Variants in ZFPM1 observed in about 807,000 individuals in gnomAD.
ZFPM1 encodes the protein zinc finger protein ZFPM1.
In ZFPM1, 28 loss-of-function variants were observed where a neutral mutation model predicts 46.3. The observed-to-expected ratio is 0.60, with a 90% confidence interval of 0.45 to 0.83. The LOEUF (loss-of-function observed/expected upper bound fraction) is 0.83, where lower values mean the gene tolerates loss of function less well. Ranked by LOEUF, ZFPM1 falls within the 40% of genes least tolerant of loss-of-function variation. ZFPM1 has a pLI of 0.00. For synonymous variants in ZFPM1, 957 were observed against 675.9 expected (o/e 1.42, Z -6.45); for missense variants, 1,878 against 1,432.4 (o/e 1.31, Z -5.02).
chr16:88,499,373 CAGAGCAGCCGCGGAGGAGAAG>C (rs71391389), intron 3 of ZFPM1, among the ~76,000 whole-genome samples: 27,769 of 152,194 alleles, frequency 0.18, 2,815 homozygotes, highest in East Asian at 0.28. Flanking sequence ...AGACCTCCTC[CAGAGCAGCCGCGGAGGAGAAG>C]AGAGCAGTCG....
At position 88,485,944 on chromosome 16, in the gene ZFPM1, C is replaced by G. The variant is rs1368641272; in HGVS notation, c.46C>G (p.Leu16Val). ...CCATCGTCTTGTGTCCACAGGTTCC[C>G]TCGGAGACATGGAGGCCAGAGAGGA... ...QSNPRQIKRS[L>V]GDMEAREEVQ... Residue 16 changes from leucine to valine, a missense_variant, in exon 2 of 10, where the codon CTC (leucine) becomes GTC (valine). Transcript: ENST00000319555. 6.2e-7 allele frequency: 1 copy of G among 1,612,692 alleles called. No homozygotes were observed. Among genetic ancestry groups the G allele is most frequent in the Admixed American group, 1.7e-5 (1 of 59,990 alleles).
chr16:88,485,339 G>A (rs1015613175), intron 1 of ZFPM1, among the ~76,000 whole-genome samples: 8 of 152,168 alleles, frequency 5.3e-5, no homozygotes, highest in African/African-American at 4.8e-5. Context: ...ATCCGTGGGC[G>A]TGGTGGAGGC....
chr16:88,534,082 G>A lies in ZFPM1; in HGVS notation c.2124G>A (p.Ser708=), dbSNP rs1329148516. 1.3e-5 allele frequency: 16 copies of A among 1,224,560 alleles called. No individual in the cohort carries two copies. Among genetic ancestry groups the A allele is most frequent in the Non-Finnish European group, 1.7e-5 (16 of 959,794 alleles). 75.9% of individuals were successfully genotyped at this position (1,224,560 alleles called of 1,614,324 possible). A position where few individuals can be genotyped will look rare whatever the true frequency, so the allele number is the denominator to read the frequency against. ...YTVHKRYYCA[S]RHDPPPRRPA... is the part of the protein sequence containing the mutation. ...TGCACAAGCGGTACTACTGCGCCTC[G>A]CGCCACGACCCGCCGCCGCGCCGAC... Residue 708 remains serine, a synonymous_variant, in exon 10 of 10, where the codon TCG becomes TCA. Transcript: ENST00000319555.
At position 88,534,653 on chromosome 16, in the gene ZFPM1, G is replaced by A; in HGVS notation, c.2695G>A (p.Gly899Ser). The stretch of plus-strand genomic sequence containing the variant: ...CGAGGCCCGGACGCCGGCCGACCGC[G>A]GCCCCTCGCCCGCTCCCGCCCCCGC... Reference protein sequence around the residue: ...GVEARTPADRGPSPAPAPAAS... With the variant: ...GVEARTPADRSPSPAPAPAAS... The change falls in exon 10 of 10, where the codon GGC (glycine) becomes AGC (serine). Residue 899 changes from glycine (G) to serine (S), a missense_variant. Coordinates refer to ENST00000319555, the MANE Select transcript of ZFPM1 (RefSeq NM_153813.3). 2.0e-6 allele frequency: 2 copies of A among 1,017,060 alleles called. No individual in the cohort carries two copies. Among genetic ancestry groups the A allele is most frequent in the Non-Finnish European group, 2.3e-6 (2 of 853,456 alleles). 63.0% of individuals were successfully genotyped at this position (1,017,060 alleles called of 1,614,324 possible). A position where few individuals can be genotyped will look rare whatever the true frequency, so the allele number is the denominator to read the frequency against.
chr16:88,508,912 G>A (rs12934066), intron 3 of ZFPM1, among the ~76,000 whole-genome samples: 4,424 of 152,296 alleles, frequency 0.029, 99 homozygotes, highest in Non-Finnish European at 0.047. Flanking sequence ...GTTTGCCTGC[G>A]TGGGAACCAA....
In ZFPM1 at chr16:88,533,332, C is replaced by T; in HGVS notation, c.1374C>T (p.Ala458=). The change falls in exon 10 of 10, where the codon GCC becomes GCT. Residue 458 remains alanine, a synonymous_variant. Coordinates refer to ENST00000319555, the MANE Select transcript of ZFPM1 (RefSeq NM_153813.3). The stretch of plus-strand genomic sequence containing the variant: ...GAGGCAGCAGCGAGCCCCCGGCGGC[C>T]CCCAGGAGCATCAAGGTGGAGGCGG... ...QNGGSSEPPA[A]PRSIKVEAVE... is the part of the protein sequence containing the mutation. 1 of 1,532,522 alleles carries T rather than the reference C, an allele frequency of 6.5e-7. No individual in the cohort carries two copies. Among genetic ancestry groups the T allele is most frequent in the Admixed American group, 2.0e-5 (1 of 50,422 alleles). 94.9% of individuals were successfully genotyped at this position (1,532,522 alleles called of 1,614,324 possible).
Position 88,528,112 on chromosome 16 carries a change from A to G in ZFPM1, c.586A>G (p.Ser196Gly), listed in dbSNP as rs1163014169. 1 of 1,587,044 alleles carries G rather than the reference A, an allele frequency of 6.3e-7. No individual in the cohort carries two copies. The highest frequency in any genetic ancestry group is 2.3e-5 in the East Asian group (1 of 43,564). Reference protein sequence around the residue: ...LSVLLTAEPHSTPGHPVKKEP... With the variant: ...LSVLLTAEPHGTPGHPVKKEP... ...CGTGCTCCTCACGGCCGAGCCCCAC[A>G]GCACCCCCGGCCACCCTGTGAAGAA... The change falls in exon 6 of 10, where the codon AGC becomes GGC. Residue 196 changes from serine to glycine, a missense_variant. By Grantham distance (56) the Ser-to-Gly change is moderately conservative (BLOSUM62 0). Coordinates refer to ENST00000319555, the MANE Select transcript of ZFPM1 (RefSeq NM_153813.3).
intron 1 of ZFPM1, among the ~76,000 whole-genome samples, chr16:88,454,493 G>A (rs1001544340): frequency 1.3e-5 from 2 of 152,176 alleles, no homozygotes; most frequent in Admixed American, 1.3e-4. Flanking sequence ...TCAGAGAAGG[G>A]CCTCCCAGGA....
intron 3 of ZFPM1, among the ~76,000 whole-genome samples, chr16:88,511,139 G>A (rs117655874): frequency 6.6e-6 from 1 of 152,326 alleles, no homozygotes; most frequent in East Asian, 1.9e-4. Flanking sequence ...ACCACCCCCT[G>A]GAAGCCCACC....
At chr16:88,529,390 T>C (rs1912604868) in intron 6 of ZFPM1, among the ~76,000 whole-genome samples, 2 of 152,192 alleles carry the variant, frequency 1.3e-5, no homozygotes. Flanking sequence ...TGAAGACGGC[T>C]TGAAGTAGGT....
At chr16:88,474,825 T>G (rs1392714596) in intron 1 of ZFPM1, among the ~76,000 whole-genome samples, 2 of 152,230 alleles carry the variant, frequency 1.3e-5, no homozygotes. Context: ...GGAACCCGCA[T>G]CTGGGGCCTC....
At chr16:88,530,097 G>A (rs1196988575) in intron 6 of ZFPM1, among the ~76,000 whole-genome samples, 1 of 152,102 alleles carries the variant, frequency 6.6e-6, no homozygotes, top group African/African-American at 2.4e-5. Context: ...GCACGGAGGG[G>A]ATGGGAGGCC....
In ZFPM1 at chr16:88,534,703, TG is replaced by T; in HGVS notation, c.2747del (p.Gly916AlafsTer90). ...CCGCCTCCCCGCAGCCCGGGTCCCG[TG>T]GCCCCCGGGACGGCCTCGGCCCGGA... Reference protein sequence around the residue: ...PAASPQPGSRGPRDGLGPEPQ... With the variant: ...PAASPQPGSRXPRDGLGPEPQ... On this transcript the variant is annotated frameshift_variant, in exon 10 of 10. Transcript: ENST00000319555. LOFTEE classifies it low-confidence loss of function (END_TRUNC). The T allele has an allele frequency of 1.0e-6, 1 of 975,804 alleles. No individual in the cohort carries two copies. Among genetic ancestry groups the T allele is most frequent in the Non-Finnish European group, 1.2e-6 (1 of 825,250 alleles). 60.4% of individuals were successfully genotyped at this position (975,804 alleles called of 1,614,324 possible).
intron 3 of ZFPM1, among the ~76,000 whole-genome samples, chr16:88,496,160 T>C (rs894344534): frequency 6.6e-6 from 1 of 152,204 alleles, no homozygotes; most frequent in East Asian, 1.9e-4. Context: ...CAGGGAGAAT[T>C]TTCCTGGTGG....
intron 1 of ZFPM1, among the ~76,000 whole-genome samples, chr16:88,481,717 G>T (rs1232162971): frequency 6.6e-6 from 1 of 151,974 alleles, no homozygotes; most frequent in African/African-American, 2.4e-5. Context: ...GCTGAGGTCT[G>T]TGTGGGCTGC....
At chr16:88,478,838 A>T (rs1010204891) in intron 1 of ZFPM1, among the ~76,000 whole-genome samples, 5 of 152,180 alleles carry the variant, frequency 3.3e-5, no homozygotes, top group Admixed American at 6.5e-5. Context: ...CTGAGGACCC[A>T]TGGGTTTAAG....
chr16:88,509,676 G>T (rs1362552333), intron 3 of ZFPM1, among the ~76,000 whole-genome samples: 1 of 152,154 alleles, frequency 6.6e-6, no homozygotes, highest in African/African-American at 2.4e-5. Context: ...ACAGGCCCAG[G>T]GAGGCGGGCG....
intron 3 of ZFPM1, among the ~76,000 whole-genome samples, chr16:88,501,606 A>G (rs11647535): frequency 0.16 from 7,527 of 46,660 alleles, 1,213 homozygotes; most frequent in Middle Eastern, 0.26. Context: ...TCCCGCAGGT[A>G]CTGGTGATGA....
At position 88,534,933 on chromosome 16, in the gene ZFPM1, A is replaced by C; in HGVS notation, c.2975A>C (p.His992Pro). Residue 992 changes from histidine (H) to proline (P), a missense_variant, in exon 10 of 10, where the codon CAC becomes CCC. His to Pro is a moderately conservative substitution (Grantham distance 77, BLOSUM62 -2). Transcript: ENST00000319555. ...KFSSLSTFIA[H>P]KKYYCSSHAA... Reference sequence around the variant, plus strand: ...AGCAGCCTGTCCACCTTCATCGCCCACAAGAAGTATTACTGCTCCTCGCAC... The same window carrying C: ...AGCAGCCTGTCCACCTTCATCGCCCCCAAGAAGTATTACTGCTCCTCGCAC... 1 of 1,541,624 alleles carries C rather than the reference A, an allele frequency of 6.5e-7. No homozygotes were observed. Among genetic ancestry groups the C allele is most frequent in the Non-Finnish European group, 8.7e-7 (1 of 1,144,156 alleles).
Sources: gnomAD v4.1 joint callset for allele counts (sites outside exome capture counted in the v4.1 genomes callset) on GRCh38, gnomAD v4.1.1 for gene constraint, MANE v1.5 for transcripts, NCBI Gene and HGNC (gene_info 2026-07-23, HGNC 2026-07-21) for gene names.